The following PDE11A variants were observed in gnomAD, a reference collection of about 807,000 sequenced individuals.
PDE11A encodes the protein phosphodiesterase 11A.
In PDE11A, 100 loss-of-function variants were observed where a neutral mutation model predicts 100.5. That is an observed-to-expected ratio of 1.00 (90% CI 0.85 to 1.18). The LOEUF is 1.18. Among genes scored for constraint, PDE11A ranks in the 50% most tolerant of loss-of-function variants. The probability of loss-of-function intolerance (pLI) is 0.00; values close to 1 mark genes in which losing one functional copy is unlikely to be tolerated. For synonymous variants in PDE11A, 381 were observed against 420.8 expected, an observed-to-expected ratio of 0.91 and a Z score of 1.16; for missense variants, 1,141 against 1,152.6, an observed-to-expected ratio of 0.99 and a Z score of 0.15.
chr2:177,998,828 C>T, intron 2 of PDE11A: 2 of 651,684 alleles, frequency 3.1e-6, no homozygotes, highest in South Asian at 3.6e-5. Context: ...GGCACCACTG[C>T]CACCTCAGCA....
chr2:178,019,056 T>C (rs1025726068), intron 1 of PDE11A, among the ~76,000 whole-genome samples: 4 of 152,360 alleles, frequency 2.6e-5, no homozygotes, highest in Admixed American at 2.0e-4. Flanking sequence ...ATCTCCTGTA[T>C]TTTTCCTGAT....
At chr2:178,034,862 C>G (rs150638528) in intron 1 of PDE11A, among the ~76,000 whole-genome samples, 76,209 of 151,646 alleles carry the variant, frequency 0.5, 19,875 homozygotes, top group East Asian at 0.71. Context: ...ATCTCTGGGA[C>G]ACATTTAAAG....
At chr2:177,866,757 G>A (rs890383180) in intron 5 of PDE11A, among the ~76,000 whole-genome samples, 15 of 152,182 alleles carry the variant, frequency 9.9e-5, no homozygotes, top group Non-Finnish European at 1.0e-4. Flanking sequence ...TGCCTAATTC[G>A]AAGGATAATA....
At chr2:177,865,997 T>G (rs2084021537) in intron 5 of PDE11A, among the ~76,000 whole-genome samples, 1 of 152,152 alleles carries the variant, frequency 6.6e-6, no homozygotes, top group South Asian at 2.1e-4. Flanking sequence ...ATGTTGATTT[T>G]GTGGTATATG....
rs2087155157 is a variant in PDE11A at position 178,072,750 on chromosome 2, CGCT to C, written c.-316_-314del. ...TCGCTGCTCCTGTTCTGGCTGCCGCCGCTGCTGCTGGAACTGCTGCTGTAACCG... is the reference window on the plus strand; with the variant it reads ...TCGCTGCTCCTGTTCTGGCTGCCGCCGCTGCTGGAACTGCTGCTGTAACCG... On this transcript the variant is annotated 5_prime_UTR_variant, in exon 1 of 20. Coordinates refer to ENST00000286063, the MANE Select transcript of PDE11A (RefSeq NM_016953.4). The C allele has an allele frequency of 7.6e-7, 1 of 1,311,940 alleles. No homozygotes were observed. Among genetic ancestry groups the C allele is most frequent in the Non-Finnish European group, 9.8e-7 (1 of 1,023,186 alleles). The allele number at this position is 1,311,940 out of a possible 1,614,324, so 81.3% of individuals were successfully genotyped here.
chr2:177,783,176 T>C (rs1402725043), intron 9 of PDE11A, among the ~76,000 whole-genome samples: 1 of 152,180 alleles, frequency 6.6e-6, no homozygotes, highest in Non-Finnish European at 1.5e-5. Context: ...ATTTCCCACA[T>C]CCTCTGATTA....
intron 5 of PDE11A, among the ~76,000 whole-genome samples, chr2:177,853,442 C>T (rs990588569): frequency 6.6e-6 from 1 of 150,946 alleles, no homozygotes; most frequent in Non-Finnish European, 1.5e-5. Flanking sequence ...ATGTTTTTGA[C>T]GGTGGCATCA....
intron 5 of PDE11A, among the ~76,000 whole-genome samples, chr2:177,853,569 T>C (rs542878589): frequency 2.7e-5 from 4 of 146,476 alleles, no homozygotes; most frequent in Non-Finnish European, 6.0e-5. Flanking sequence ...AATATCTCTC[T>C]GTGAGGGTGC....
intron 12 of PDE11A, among the ~76,000 whole-genome samples, chr2:177,716,201 C>G (rs2081434543): frequency 2.0e-5 from 3 of 152,284 alleles, no homozygotes; most frequent in Middle Eastern, 6.8e-3. Context: ...CTGGCAAATA[C>G]TCTGGTTATG....
At chr2:178,051,786 A>AG (rs1211745027) in intron 1 of PDE11A, among the ~76,000 whole-genome samples, 1 of 152,212 alleles carries the variant, frequency 6.6e-6, no homozygotes, top group Non-Finnish European at 1.5e-5. Flanking sequence ...ATAATGGTAA[A>AG]GGGATCAATT....
chr2:177,945,534 G>T (rs1461178187), intron 2 of PDE11A, among the ~76,000 whole-genome samples: 3 of 148,984 alleles, frequency 2.0e-5, no homozygotes, highest in Non-Finnish European at 4.5e-5. Flanking sequence ...GGTGAGGAGG[G>T]TCTCTGCCCA....
chr2:177,795,242 AC>A (rs1228649002), intron 9 of PDE11A, among the ~76,000 whole-genome samples: 29 of 152,266 alleles, frequency 1.9e-4, no homozygotes, highest in Admixed American at 2.0e-4. Context: ...GGTGGGACAC[AC>A]TTTTGGAAAT....
chr2:178,098,244 T>A (rs1172656177), intron 2 of PDE11A, among the ~76,000 whole-genome samples: 1 of 152,162 alleles, frequency 6.6e-6, no homozygotes, highest in Non-Finnish European at 1.5e-5. Context: ...ATCCAAAAAC[T>A]GGGACAATAT....
At chr2:177,706,326 C>G (rs977138005) in intron 13 of PDE11A, among the ~76,000 whole-genome samples, 3 of 152,104 alleles carry the variant, frequency 2.0e-5, no homozygotes, top group Non-Finnish European at 4.4e-5. Flanking sequence ...ATCCCATTTT[C>G]AAATCACTTC....
At position 178,055,052 on chromosome 2, in the gene PDE11A, G is replaced by A. The variant is rs546153743; in HGVS notation, c.912+16474C>T. Among the ~76,000 whole-genome samples the A allele has an allele frequency of 4.1e-3, 626 of 152,274 alleles. 8 individuals are homozygous for A. Among genetic ancestry groups the A allele is most frequent in the African/African-American group, 0.014 (584 of 41,542 alleles). ...GCTATAAAGACACATGCACATGTAT[G>A]TTTATTTTGGCACTATTCACAATAG... On this transcript the variant is annotated intron_variant, in intron 1 of 19. Transcript: ENST00000286063.
upstream of PDE11A, among the ~76,000 whole-genome samples, chr2:178,076,910 A>G (rs545960123): frequency 1.3e-5 from 2 of 152,212 alleles, no homozygotes; most frequent in East Asian, 3.9e-4. Flanking sequence ...GAGGCTGCTC[A>G]GTTTTTCTCC....
intron 10 of PDE11A, among the ~76,000 whole-genome samples, chr2:177,745,142 C>G (rs982959486): frequency 6.6e-6 from 1 of 152,180 alleles, no homozygotes; most frequent in African/African-American, 2.4e-5. Context: ...TTCACAAATA[C>G]CTTTCCTTCT....
At chr2:177,700,539 C>T (rs572463693) in intron 14 of PDE11A, among the ~76,000 whole-genome samples, 1 of 152,256 alleles carries the variant, frequency 6.6e-6, no homozygotes, top group East Asian at 1.9e-4. Flanking sequence ...GTATAAAATT[C>T]CAACTACTTC....
chr2:177,900,689 C>T (rs182894403), intron 3 of PDE11A, among the ~76,000 whole-genome samples: 2 of 151,956 alleles, frequency 1.3e-5, no homozygotes, highest in Admixed American at 1.3e-4. Flanking sequence ...ACCTCGGAGG[C>T]GGAAGTTGCA....
Sources: gnomAD v4.1 joint callset for allele counts (sites outside exome capture counted in the v4.1 genomes callset) on GRCh38, gnomAD v4.1.1 for gene constraint, MANE v1.5 for transcripts, NCBI Gene and HGNC (gene_info 2026-07-23, HGNC 2026-07-21) for gene names.